Variants in ABLIM2 observed in about 807,000 individuals in gnomAD.
ABLIM2 encodes actin-binding LIM protein 2.
A neutral mutation model predicts 97.7 loss-of-function variants in ABLIM2; 53 were observed. That is an observed-to-expected ratio of 0.54 (90% CI 0.44 to 0.68). ABLIM2 has a LOEUF of 0.68. ABLIM2 is among the 30% of genes least tolerant of loss of function. The pLI is 0.00. For missense variants in ABLIM2, 835 were observed against 867.2 expected, an observed-to-expected ratio of 0.96 and a Z score of 0.47; for synonymous variants, 361 against 345.8, an observed-to-expected ratio of 1.04 and a Z score of -0.49.
rs956387604 is a variant in ABLIM2, at chr4:7,966,728, C to T, written c.*262G>A. The T allele has an allele frequency of 6.0e-5, 28 of 465,742 alleles. No individual in the cohort carries two copies. The highest frequency in any genetic ancestry group is 7.0e-5 in the Admixed American group (2 of 28,490). 28.9% of individuals were successfully genotyped at this position (465,742 alleles called of 1,614,324 possible). Reference sequence around the variant, plus strand: ...CCACCTGTGTGCTCCATCTGATGCCCGACACAGCCACTCTACAGCCTCTCC... The same window carrying T: ...CCACCTGTGTGCTCCATCTGATGCCTGACACAGCCACTCTACAGCCTCTCC... On this transcript the variant is annotated 3_prime_UTR_variant, in exon 21 of 21. Coordinates refer to ENST00000447017, the MANE Select transcript of ABLIM2 (RefSeq NM_001130083.2).
chr4:8,073,569 C>T (rs1254193010), intron 6 of ABLIM2, among the ~76,000 whole-genome samples: 1 of 151,706 alleles, frequency 6.6e-6, no homozygotes, highest in Non-Finnish European at 1.5e-5. Flanking sequence ...GGCCACGGCC[C>T]CAGGAGAAGG....
chr4:8,158,719 C>G lies in ABLIM2; in HGVS notation c.-30G>C. 2.8e-6 allele frequency: 4 copies of G among 1,437,544 alleles called. No homozygotes were observed. Among genetic ancestry groups the G allele is most frequent in the African/African-American group, 1.5e-5 (1 of 67,960 alleles). The allele number at this position is 1,437,544 out of a possible 1,614,324, so 89.0% of individuals were successfully genotyped here. Reference sequence around the variant, plus strand: ...GCAGCCGCTCGGAGTCGGGGCGGCCCGGCGCTGCGACAGCCAGACCCTCGG... The same window carrying G: ...GCAGCCGCTCGGAGTCGGGGCGGCCGGGCGCTGCGACAGCCAGACCCTCGG... On this transcript the variant is annotated 5_prime_UTR_variant, in exon 1 of 21. Coordinates refer to ENST00000447017, the MANE Select transcript of ABLIM2 (RefSeq NM_001130083.2).
At chr4:8,156,361 G>T (rs1715335079) in intron 1 of ABLIM2, among the ~76,000 whole-genome samples, 1 of 152,196 alleles carries the variant, frequency 6.6e-6, no homozygotes, top group African/African-American at 2.4e-5. Context: ...GAGGCAGGGG[G>T]CGCCCCACAG....
At chr4:8,136,492 C>G (rs1312327646) in intron 1 of ABLIM2, among the ~76,000 whole-genome samples, 1 of 152,176 alleles carries the variant, frequency 6.6e-6, no homozygotes, top group African/African-American at 2.4e-5. Context: ...GCTCTCTGTA[C>G]CCAGGGCAGC....
At position 8,127,648 on chromosome 4, in the gene ABLIM2, A is replaced by G. The variant is rs934900588; in HGVS notation, c.11-21011T>C. 7.8e-7 allele frequency: 1 copy of G among 1,286,836 alleles called. No individual in the cohort carries two copies. Among genetic ancestry groups the G allele is most frequent in the Non-Finnish European group, 1.0e-6 (1 of 986,730 alleles). The allele number at this position is 1,286,836 out of a possible 1,614,324, so 79.7% of individuals were successfully genotyped here. A position where few individuals can be genotyped will look rare whatever the true frequency, so the allele number is the denominator to read the frequency against. ...TGGCTGGGCCTGGCACCCACGGAGG[A>G]TCGGGCAGGAGTGGACCGGGGAAGA... On this transcript the variant is annotated intron_variant, in intron 1 of 20. Coordinates refer to ENST00000447017, the MANE Select transcript of ABLIM2 (RefSeq NM_001130083.2). This position sits in a 1 kb window ranked among gnomAD's most constrained non-coding sequence, Gnocchi z 7.3.
At chr4:7,974,725 C>T (rs1373754441) in intron 20 of ABLIM2, among the ~76,000 whole-genome samples, 2 of 151,956 alleles carry the variant, frequency 1.3e-5, no homozygotes, top group Non-Finnish European at 2.9e-5. Flanking sequence ...ATCCACCCAT[C>T]CATCCACCCA....
At chr4:7,983,403 G>T in intron 19 of ABLIM2, 59 bp from the exon 20 acceptor site, 2 of 1,584,452 alleles carry the variant, frequency 1.3e-6, no homozygotes, top group Non-Finnish European at 8.6e-7. Flanking sequence ...TGGCACCAAA[G>T]AACTGAGCAG....
At chr4:8,096,728 G>C (rs924241755) in intron 3 of ABLIM2, among the ~76,000 whole-genome samples, 3 of 152,226 alleles carry the variant, frequency 2.0e-5, no homozygotes, top group African/African-American at 4.8e-5. Context: ...GGGAGGGAAG[G>C]GGGAGGCAGG....
intron 6 of ABLIM2, 57 bp downstream of exon 6, chr4:8,077,571 A>AG (rs201579005): frequency 6.1e-6 from 9 of 1,470,734 alleles, no homozygotes; most frequent in Non-Finnish European, 8.4e-6. Context: ...GTCAACTCCC[A>AG]GGGGGGCAGT....
Position 8,085,698 on chromosome 4 carries a change from C to T in ABLIM2, c.454+2471G>A, listed in dbSNP as rs368391596. ...ACTCACGTGGGTCTGGGGGTGCCCA[C>T]GCTGCAGCCCCGTCCACTCACGCGG... On this transcript the variant is annotated intron_variant, in intron 4 of 20. Transcript: ENST00000447017. This position sits in a 1 kb window ranked among gnomAD's most constrained non-coding sequence, Gnocchi z 6.1. Among the ~76,000 whole-genome samples the T allele has an allele frequency of 1.8e-4, 28 of 152,222 alleles. No homozygotes were observed. Among genetic ancestry groups the T allele is most frequent in the African/African-American group, 6.3e-4 (26 of 41,516 alleles).
chr4:8,133,856 C>T (rs1463398837), intron 1 of ABLIM2, among the ~76,000 whole-genome samples: 1 of 152,334 alleles, frequency 6.6e-6, no homozygotes, highest in Middle Eastern at 3.4e-3. Context: ...AGGCAGTGTC[C>T]CTGCCCACAC....
At position 8,148,689 on chromosome 4, in the gene ABLIM2, C is replaced by T. The variant is rs1348831517; in HGVS notation, c.10+9991G>A. 6.6e-6 allele frequency among the ~76,000 whole-genome samples: 1 copy of T among 152,168 alleles called. No homozygotes were observed. Among genetic ancestry groups the T allele is most frequent in the Non-Finnish European group, 1.5e-5 (1 of 68,000 alleles). On this transcript the variant is annotated intron_variant, in intron 1 of 20. Coordinates refer to ENST00000447017, the MANE Select transcript of ABLIM2 (RefSeq NM_001130083.2). This position sits in a 1 kb window ranked among gnomAD's most constrained non-coding sequence, Gnocchi z 6.7. ...AGTCCTGCTTGCCTGGAAGCAAATG[C>T]TACATCCCAAGGTGTCCATTGCCCC... is the stretch of plus-strand genomic sequence containing the variant.
chr4:8,152,358 C>T (rs762073775), intron 1 of ABLIM2, among the ~76,000 whole-genome samples: 8 of 152,182 alleles, frequency 5.3e-5, no homozygotes, highest in South Asian at 2.1e-4. Flanking sequence ...AGACGGGACT[C>T]GCAGGCATTT....
chr4:8,031,347 T>G (rs1198679239), intron 10 of ABLIM2, among the ~76,000 whole-genome samples: 2 of 151,626 alleles, frequency 1.3e-5, no homozygotes, highest in Non-Finnish European at 2.9e-5. Context: ...ACCCTGCACC[T>G]CATCTGGAAG....
Position 8,069,090 on chromosome 4 carries a change from C to A in ABLIM2, c.676-8036G>T, listed in dbSNP as rs1307969091. On this transcript the variant is annotated intron_variant, in intron 6 of 20. Transcript: ENST00000447017. This position sits in a 1 kb window ranked among gnomAD's most constrained non-coding sequence, Gnocchi z 4.2. ...CTCTGGAACACAGCTCCTCTTGGCCCCAGGCCTGTCTAGCACACTCACTCC... is the reference window on the plus strand; with the variant it reads ...CTCTGGAACACAGCTCCTCTTGGCCACAGGCCTGTCTAGCACACTCACTCC... 6.6e-6 allele frequency among the ~76,000 whole-genome samples: 1 copy of A among 152,236 alleles called. No individual in the cohort carries two copies. The highest frequency in any genetic ancestry group is 1.5e-5 in the Non-Finnish European group (1 of 68,044).
intron 1 of ABLIM2, among the ~76,000 whole-genome samples, chr4:8,139,680 A>T (rs1200057092): frequency 1.3e-5 from 2 of 152,222 alleles, no homozygotes; most frequent in East Asian, 3.8e-4. Flanking sequence ...CACCATTGTG[A>T]AAGATAGTGT....
At chr4:8,131,649 T>A (rs1309971965) in intron 1 of ABLIM2, among the ~76,000 whole-genome samples, 1 of 147,068 alleles carries the variant, frequency 6.8e-6, no homozygotes, top group African/African-American at 2.6e-5. Flanking sequence ...GCAGCCCGCA[T>A]CCCCAGCACA....
intron 14 of ABLIM2, among the ~76,000 whole-genome samples, chr4:8,012,373 A>G (rs1183554914): frequency 1.3e-5 from 2 of 149,936 alleles, no homozygotes; most frequent in Admixed American, 6.6e-5. Context: ...CCATCTGTCC[A>G]TCTACCCATC....
intron 14 of ABLIM2, among the ~76,000 whole-genome samples, chr4:8,016,701 T>C (rs1452544752): frequency 6.6e-6 from 1 of 152,144 alleles, no homozygotes; most frequent in Non-Finnish European, 1.5e-5. Flanking sequence ...TCGAGGACTT[T>C]CCACAGTAAC....
Sources: gnomAD v4.1 joint callset for allele counts (sites outside exome capture counted in the v4.1 genomes callset) on GRCh38, gnomAD v4.1.1 for gene constraint, Gnocchi (gnomAD v3.1) non-coding constraint, MANE v1.5 for transcripts, NCBI Gene and HGNC (gene_info 2026-07-23, HGNC 2026-07-21) for gene names.